The following C1orf162 variants were observed in gnomAD, a reference collection of about 807,000 sequenced individuals.
C1orf162 encodes the protein transmembrane protein C1orf162.
Under a neutral mutation model 11.4 loss-of-function variants are expected in C1orf162, and 10 were observed. The observed-to-expected ratio is 0.88, with a 90% CI of 0.54 to 1.48. C1orf162 has a LOEUF of 1.48. C1orf162 is among the 40% of genes most tolerant of loss of function. The pLI, the probability that C1orf162 is intolerant of heterozygous loss-of-function variation, is 0.00. For synonymous variants in C1orf162, 53 were observed against 55.0 expected, an observed-to-expected ratio of 0.96 and a Z score of 0.16; for missense variants, 140 against 149.5, an observed-to-expected ratio of 0.94 and a Z score of 0.33.
Position 111,478,042 on chromosome 1 carries a change from A to C in C1orf162, c.312A>C (p.Glu104Asp). Residue 104 changes from glutamate (E) to aspartate (D), a missense_variant, in exon 6 of 6, where the codon GAA becomes GAC. Transcript: ENST00000369718. ...CCAGCACAACTTTCAAACTCTCAGA[A>C]GAAAAGAGCAATCACTTGGCTGAGA... The part of the protein sequence containing the change: ...TYASTTFKLS[E>D]EKSNHLAENH... 6.2e-7 allele frequency: 1 copy of C among 1,614,136 alleles called. No individual in the cohort carries two copies. The highest frequency in any genetic ancestry group is 8.5e-7 in the Non-Finnish European group (1 of 1,179,954).
chr1:111,477,600 G>GGCCCCCCC, intron 4 of C1orf162, 126 bp from the exon 5 acceptor site: 1 of 1,499,858 alleles, frequency 6.7e-7, no homozygotes, highest in Non-Finnish European at 9.2e-7. Context: ...CTTCCGCCCT[G>GGCCCCCCC]CCCCCCACCC....
intron 4 of C1orf162, 79 bp from the exon 5 acceptor site, chr1:111,477,647 C>T: frequency 6.2e-7 from 1 of 1,613,334 alleles, no homozygotes; most frequent in African/African-American, 1.3e-5. Context: ...ACCCTTCACC[C>T]AAGATCGAAG....
intron 3 of C1orf162, 148 bp from the exon 4 acceptor site, chr1:111,477,186 G>A (rs1172371432): frequency 1.3e-6 from 1 of 746,894 alleles, no homozygotes; most frequent in African/African-American, 1.8e-5. Flanking sequence ...AAACTCAAAA[G>A]CAAAAGCTGA....
Position 111,477,995 on chromosome 1 carries a change from C to G in C1orf162, c.265C>G (p.Pro89Ala), listed in dbSNP as rs998852188. The G allele has an allele frequency of 1.4e-5, 22 of 1,614,012 alleles. No individual in the cohort carries two copies. The East Asian group carries it at 1.8e-4, about 13-fold the overall frequency. Residue 89 changes from proline (P) to alanine (A), a missense_variant, in exon 6 of 6, where the codon CCA (proline) becomes GCA (alanine). Transcript: ENST00000369718. ...TCTCCCTCTGCAGCTTTCATCCATC[C>G]CAGGGGAATCACTTACCTATGCCAG... ...SDPPAKLSSIPGESLTYASTT... is the reference protein window; with the variant it reads ...SDPPAKLSSIAGESLTYASTT...
intron 1 of C1orf162, chr1:111,474,811 A>G (rs1368246611): frequency 6.6e-6 from 1 of 152,204 alleles, no homozygotes; most frequent in Non-Finnish European, 1.5e-5. Flanking sequence ...CTGCTATTGT[A>G]ACAGGTACAG....
intron 4 of C1orf162, 108 bp from the exon 5 acceptor site, chr1:111,477,618 A>G: frequency 6.9e-7 from 1 of 1,454,028 alleles, no homozygotes; most frequent in Non-Finnish European, 9.2e-7. Context: ...CCCACCTGCC[A>G]ACACCTCCTC....
rs1191379835 is a variant in C1orf162 at position 111,478,035 on chromosome 1, T to C, written c.305T>C (p.Leu102Pro). 6.2e-7 allele frequency: 1 copy of C among 1,614,078 alleles called. No individual in the cohort carries two copies. The highest frequency in any genetic ancestry group is 1.1e-5 in the South Asian group (1 of 91,072). Residue 102 changes from leucine (L) to proline (P), a missense_variant, in exon 6 of 6, where the codon CTC (leucine) becomes CCC (proline). Leu to Pro is a moderately conservative substitution (Grantham distance 98). Coordinates refer to ENST00000369718, the MANE Select transcript of C1orf162 (RefSeq NM_001300834.2). ...ACCTATGCCAGCACAACTTTCAAAC[T>C]CTCAGAAGAAAAGAGCAATCACTTG... The part of the protein sequence containing the change: ...SLTYASTTFK[L>P]SEEKSNHLAE...
rs1442660497 is a variant in C1orf162 at position 111,474,603 on chromosome 1, A to G, written c.-12+573A>G. The G allele has an allele frequency of 3.3e-5, 5 of 152,228 alleles. No individual in the cohort carries two copies. In the South Asian group the frequency reaches 1.0e-3, roughly 32 times the overall value. The allele number at this position is 152,228 out of a possible 1,614,324, so 9.4% of individuals were successfully genotyped here. ...TATTTTATGATGGTCTGCAAAGAGC[A>G]CCACTGACTTACAAGTTAGAAAAGG... On this transcript the variant is annotated intron_variant, in intron 1 of 5. Coordinates refer to ENST00000369718, the MANE Select transcript of C1orf162 (RefSeq NM_001300834.2).
In C1orf162 at chr1:111,478,004, T is replaced by C. The variant is rs1654057565; in HGVS notation, c.274T>C (p.Ser92Pro). The C allele has an allele frequency of 1.2e-6, 2 of 1,614,146 alleles. No individual in the cohort carries two copies. Among genetic ancestry groups the C allele is most frequent in the South Asian group, 1.1e-5 (1 of 91,084 alleles). ...PAKLSSIPGE[S>P]LTYASTTFKL... ...GCAGCTTTCATCCATCCCAGGGGAA[T>C]CACTTACCTATGCCAGCACAACTTT... is the stretch of plus-strand genomic sequence containing the variant. The change falls in exon 6 of 6, where the codon TCA (serine) becomes CCA (proline). Residue 92 changes from serine to proline, a missense_variant. Ser to Pro is a moderately conservative substitution (Grantham distance 74, BLOSUM62 -1). Coordinates refer to ENST00000369718, the MANE Select transcript of C1orf162 (RefSeq NM_001300834.2).
intron 3 of C1orf162, 130 bp downstream of exon 3, chr1:111,476,997 T>G: frequency 2.9e-6 from 3 of 1,033,858 alleles, no homozygotes; most frequent in Non-Finnish European, 4.5e-6. Flanking sequence ...AAGAACAAAG[T>G]CAGTTTGTGA....
intron 1 of C1orf162, chr1:111,474,728 C>G (rs993129079): frequency 2.6e-5 from 4 of 152,034 alleles, no homozygotes; most frequent in Non-Finnish European, 5.9e-5. Flanking sequence ...TCCCGTTGGC[C>G]CTTTTCTTAT....
At position 111,477,350 on chromosome 1, in the gene C1orf162, C is replaced by T. The variant is rs1654024458; in HGVS notation, c.124C>T (p.Leu42Phe). The change falls in exon 4 of 6, where the codon CTT (leucine) becomes TTT (phenylalanine). Residue 42 changes from leucine (L) to phenylalanine (F), a missense_variant. Leu to Phe is a conservative substitution (Grantham distance 22, BLOSUM62 0). Transcript: ENST00000369718. ...SNHHNKKHLI[L>F]AFCAGVLLTL... Reference sequence around the variant, plus strand: ...CCAAAACAGCAAAAAACATTTAATCCTTGCCTTTTGTGCTGGGGTTCTACT... The same window carrying T: ...CCAAAACAGCAAAAAACATTTAATCTTTGCCTTTTGTGCTGGGGTTCTACT... 6.2e-7 allele frequency: 1 copy of T among 1,613,998 alleles called. No homozygotes were observed. The highest frequency in any genetic ancestry group is 8.5e-7 in the Non-Finnish European group (1 of 1,179,910).
At chr1:111,474,348 T>C (rs1401406305) in intron 1 of C1orf162, among the ~76,000 whole-genome samples, 1 of 152,220 alleles carries the variant, frequency 6.6e-6, no homozygotes, top group East Asian at 1.9e-4. Context: ...CCTGTGGTAT[T>C]GTACGATGAT....
intron 2 of C1orf162, 47 bp downstream of exon 2, chr1:111,476,112 A>C: frequency 6.4e-7 from 1 of 1,568,404 alleles, no homozygotes; most frequent in Non-Finnish European, 8.8e-7. Flanking sequence ...CTGAGTTAAA[A>C]TAACTAGAAA....
chr1:111,478,050 G>A lies in C1orf162; in HGVS notation c.320G>A (p.Ser107Asn). Residue 107 changes from serine (S) to asparagine (N), a missense_variant, in exon 6 of 6, where the codon AGC becomes AAC. By Grantham distance (46) the Ser-to-Asn change is conservative. Coordinates refer to ENST00000369718, the MANE Select transcript of C1orf162 (RefSeq NM_001300834.2). ...STTFKLSEEK[S>N]NHLAENHSAD... ...ACTTTCAAACTCTCAGAAGAAAAGA[G>A]CAATCACTTGGCTGAGAACCATTCT... The A allele has an allele frequency of 6.2e-7, 1 of 1,614,064 alleles. No homozygotes were observed. The highest frequency in any genetic ancestry group is 8.5e-7 in the Non-Finnish European group (1 of 1,179,926).
At chr1:111,474,821 G>A (rs1276425196) in intron 1 of C1orf162, 1 of 152,200 alleles carries the variant, frequency 6.6e-6, no homozygotes, top group African/African-American at 2.4e-5. Flanking sequence ...AACAGGTACA[G>A]GGCGATGAGG....
intron 2 of C1orf162, among the ~76,000 whole-genome samples, 153 bp downstream of exon 2, chr1:111,476,218 G>A (rs1382595073): frequency 1.3e-5 from 2 of 152,208 alleles, no homozygotes; most frequent in African/African-American, 2.4e-5. Flanking sequence ...AATGCCAGGA[G>A]GGGTGAAAGG....
intron 3 of C1orf162, 86 bp downstream of exon 3, chr1:111,476,953 A>G: frequency 7.0e-7 from 1 of 1,419,720 alleles, no homozygotes; most frequent in Non-Finnish European, 1.0e-6. Context: ...GGATTTGGGC[A>G]GGGAGACTGG....
intron 2 of C1orf162, among the ~76,000 whole-genome samples, 175 bp from the exon 3 acceptor site, chr1:111,476,623 A>G (rs1216919108): frequency 6.6e-6 from 1 of 151,846 alleles, no homozygotes; most frequent in African/African-American, 2.4e-5. Context: ...TCTATTTTTC[A>G]TTTAAAAGTA....
Sources: gnomAD v4.1 joint callset for allele counts (sites outside exome capture counted in the v4.1 genomes callset) on GRCh38, gnomAD v4.1.1 for gene constraint, MANE v1.5 for transcripts, NCBI Gene and HGNC (gene_info 2026-07-23, HGNC 2026-07-21) for gene names.